The following TAB2 variants were observed in gnomAD, a reference collection of about 807,000 sequenced individuals.
TAB2 encodes TGF-beta-activated kinase 1 and MAP3K7-binding protein 2.
TAB2 carries 3 observed loss-of-function variants against 65.0 expected under a neutral mutation model. The observed-to-expected ratio is 0.05, with a 90% confidence interval of 0.02 to 0.12. The LOEUF is 0.12. TAB2 is among the 10% of genes least tolerant of loss of function. The pLI, the probability that TAB2 is intolerant of heterozygous loss-of-function variation, is 1.00. For synonymous variants in TAB2, 298 were observed against 285.1 expected (o/e 1.05, Z -0.46); for missense variants, 623 against 840.3 (o/e 0.74, Z 3.20).
intron 1 of TAB2, among the ~76,000 whole-genome samples, chr6:149,259,793 A>C (rs1012113117): frequency 1.3e-5 from 2 of 152,238 alleles, no homozygotes; most frequent in South Asian, 4.1e-4. Flanking sequence ...GAGACATGAT[A>C]CAAGTGGCCC....
intron 1 of TAB2, among the ~76,000 whole-genome samples, chr6:149,295,273 T>A (rs903793131): frequency 6.6e-6 from 1 of 152,248 alleles, no homozygotes. Flanking sequence ...TTTTCTGTAC[T>A]AAGACTTCTT....
intron 1 of TAB2, among the ~76,000 whole-genome samples, chr6:149,359,785 C>T (rs573611996): frequency 1.3e-5 from 2 of 152,154 alleles, no homozygotes; most frequent in African/African-American, 2.4e-5. Context: ...TTCTTGCAAG[C>T]TCTGCTGTTA....
intron 1 of TAB2, among the ~76,000 whole-genome samples, chr6:149,359,655 A>G (rs1339035216): frequency 6.6e-6 from 1 of 152,200 alleles, no homozygotes; most frequent in Non-Finnish European, 1.5e-5. Context: ...TCTAGTTCTG[A>G]TAACTATATC....
intron 6 of TAB2, among the ~76,000 whole-genome samples, chr6:149,408,465 T>C (rs2114976646): frequency 1.3e-5 from 2 of 152,308 alleles, no homozygotes; most frequent in South Asian, 4.1e-4. Flanking sequence ...TATTTAAAAT[T>C]TGTCATAAAA....
intron 1 of TAB2, among the ~76,000 whole-genome samples, chr6:149,355,404 A>G (rs994145659): frequency 7.8e-4 from 119 of 152,110 alleles, no homozygotes; most frequent in African/African-American, 2.7e-3. Context: ...GGTGGCTAAT[A>G]CCTGTAATCC....
intron 3 of TAB2, among the ~76,000 whole-genome samples, chr6:149,391,923 T>C (rs1782000758): frequency 1.3e-5 from 2 of 152,086 alleles, no homozygotes; most frequent in South Asian, 2.1e-4. Context: ...ATTTTGGCAG[T>C]GATGTTTTTA....
intron 1 of TAB2, among the ~76,000 whole-genome samples, chr6:149,242,844 C>T (rs1777628848): frequency 1.3e-5 from 2 of 152,198 alleles, no homozygotes; most frequent in African/African-American, 2.4e-5. Flanking sequence ...GGTCACACCA[C>T]GCAAAGATGG....
At chr6:149,248,332 C>T (rs1777774716) in intron 1 of TAB2, among the ~76,000 whole-genome samples, 2 of 151,860 alleles carry the variant, frequency 1.3e-5, no homozygotes, top group African/African-American at 4.8e-5. Context: ...GCAGAGGTTG[C>T]AGTGAGCTGA....
At chr6:149,269,162 A>G (rs1163018608) in intron 1 of TAB2, among the ~76,000 whole-genome samples, 1 of 152,224 alleles carries the variant, frequency 6.6e-6, no homozygotes, top group African/African-American at 2.4e-5. Flanking sequence ...AGTCTGAGGC[A>G]TAATACCTAA....
chr6:149,327,576 A>G (rs1237929574), intron 1 of TAB2, among the ~76,000 whole-genome samples: 10 of 152,208 alleles, frequency 6.6e-5, no homozygotes, highest in Admixed American at 1.3e-4. Context: ...ACAGTTAAGT[A>G]GTTACTAGAA....
chr6:149,378,985 G>A lies in TAB2; in HGVS notation c.1070G>A (p.Ser357Asn), dbSNP rs778328925. 1 of 1,614,130 alleles carries A rather than the reference G, an allele frequency of 6.2e-7. No homozygotes were observed. Among genetic ancestry groups the A allele is most frequent in the African/African-American group, 1.3e-5 (1 of 75,018 alleles). ...TCCAGCACTTCCTCTTCAGTCAATA[G>A]CCAGACCTTAAACAGAAATCAGCCC... is the stretch of plus-strand genomic sequence containing the variant. ...RTSSTSSSVN[S>N]QTLNRNQPTV... The change falls in exon 3 of 7, where the codon AGC becomes AAC. Residue 357 changes from serine (S) to asparagine (N), a missense_variant. Coordinates refer to ENST00000637181, the MANE Select transcript of TAB2 (RefSeq NM_001292034.3).
intron 1 of TAB2, among the ~76,000 whole-genome samples, chr6:149,359,696 A>G (rs1780782351): frequency 6.6e-6 from 1 of 152,224 alleles, no homozygotes; most frequent in South Asian, 2.1e-4. Flanking sequence ...TCCCCCACAT[A>G]TCACCACAGT....
chr6:149,302,300 G>A (rs1376285616), intron 1 of TAB2, among the ~76,000 whole-genome samples: 1 of 152,130 alleles, frequency 6.6e-6, no homozygotes, highest in Non-Finnish European at 1.5e-5. Context: ...TCTAGACTTA[G>A]ACTTACTTAT....
In TAB2 at chr6:149,381,448, A is replaced by G. The variant is rs571847042; in HGVS notation, c.1603+1930A>G. Among the ~76,000 whole-genome samples the G allele has an allele frequency of 4.6e-5, 7 of 152,256 alleles. No homozygotes were observed. The South Asian group carries it at 1.0e-3, about 23-fold the overall frequency. On this transcript the variant is annotated intron_variant, in intron 3 of 6. Coordinates refer to ENST00000637181, the MANE Select transcript of TAB2 (RefSeq NM_001292034.3). ...AATTTTTTATGAAGATAATTTGATA[A>G]GGGAAATTTTCAAGTAAAGTAGGCA...
rs531271382 is a variant in TAB2, at chr6:149,396,111, G to A, written c.1604-1493G>A. Among the ~76,000 whole-genome samples, 79 of 151,770 alleles carry A rather than the reference G, an allele frequency of 5.2e-4. 1 individual carries two copies. The highest frequency in any genetic ancestry group is 9.3e-4 in the Non-Finnish European group (63 of 67,870). On this transcript the variant is annotated intron_variant, in intron 3 of 6. Coordinates refer to ENST00000637181, the MANE Select transcript of TAB2 (RefSeq NM_001292034.3). ...CGGCTTACTGCAACCTCTGCCTCCC[G>A]GGTTCAAGCAATTCTCCTGCCTCAG...
At chr6:149,313,443 G>C (rs897659618), upstream of TAB2, among the ~76,000 whole-genome samples, 1 of 152,046 alleles carries the variant, frequency 6.6e-6, no homozygotes. Context: ...CTCCGTCCAG[G>C]GTTGCTTTGT....
chr6:149,333,329 C>G (rs938198888), intron 1 of TAB2, among the ~76,000 whole-genome samples: 3 of 152,186 alleles, frequency 2.0e-5, no homozygotes, highest in African/African-American at 7.2e-5. Flanking sequence ...TCTTTTTTCT[C>G]TTTTCCCTAG....
chr6:149,290,010 T>C (rs1338998712), intron 1 of TAB2, among the ~76,000 whole-genome samples: 1 of 152,200 alleles, frequency 6.6e-6, no homozygotes, highest in Non-Finnish European at 1.5e-5. Context: ...TAAGGGGTTG[T>C]GGAGACCAAG....
intron 1 of TAB2, among the ~76,000 whole-genome samples, chr6:149,230,830 A>G (rs1485242937): frequency 6.6e-6 from 1 of 152,248 alleles, no homozygotes; most frequent in Non-Finnish European, 1.5e-5. Context: ...TGACATTCAC[A>G]GCAAAGGTTA....
Sources: gnomAD v4.1 joint callset for allele counts (sites outside exome capture counted in the v4.1 genomes callset) on GRCh38, gnomAD v4.1.1 for gene constraint, MANE v1.5 for transcripts, NCBI Gene and HGNC (gene_info 2026-07-23, HGNC 2026-07-21) for gene names.